SYBU: variants seen among roughly 807,000 people sequenced by gnomAD.
SYBU encodes the protein syntabulin, also known as GOLSYN A protein.
Under a neutral mutation model 35.9 loss-of-function variants are expected in SYBU, and 21 were observed. That is an observed-to-expected ratio of 0.58 (90% CI 0.41 to 0.84). The LOEUF is 0.84. Ranked by LOEUF, SYBU falls within the 40% of genes least tolerant of loss-of-function variation. The pLI, the probability that SYBU is intolerant of heterozygous loss-of-function variation, is 0.00. For missense variants in SYBU, 768 were observed against 848.2 expected, an observed-to-expected ratio of 0.91 and a Z score of 1.17; for synonymous variants, 319 against 324.3, an observed-to-expected ratio of 0.98 and a Z score of 0.18.
At chr8:109,634,565 T>A (rs1349964455) in intron 2 of SYBU, among the ~76,000 whole-genome samples, 1 of 152,230 alleles carries the variant, frequency 6.6e-6, no homozygotes, top group Non-Finnish European at 1.5e-5. Context: ...ACTAAGCAAA[T>A]GCTAGGAGTG....
chr8:109,655,228 T>C (rs1816306664), intron 1 of SYBU, among the ~76,000 whole-genome samples: 1 of 152,244 alleles, frequency 6.6e-6, no homozygotes, highest in African/African-American at 2.4e-5. Flanking sequence ...CAGTTCCTTT[T>C]GCCTTTCGGG....
intron 2 of SYBU, among the ~76,000 whole-genome samples, chr8:109,641,423 T>C (rs1814864929): frequency 6.6e-6 from 1 of 152,236 alleles, no homozygotes; most frequent in Admixed American, 6.5e-5. Flanking sequence ...TCACAGCCAC[T>C]CTACAAGGCA....
intron 3 of SYBU, among the ~76,000 whole-genome samples, chr8:109,596,470 T>G (rs1304736456): frequency 2.0e-5 from 3 of 152,238 alleles, no homozygotes; most frequent in African/African-American, 7.2e-5. Flanking sequence ...TCTTCCTTTA[T>G]CTTATCCCCT....
intron 2 of SYBU, among the ~76,000 whole-genome samples, chr8:109,624,297 T>C (rs1023894127): frequency 1.3e-5 from 2 of 152,128 alleles, no homozygotes; most frequent in African/African-American, 2.4e-5. Context: ...ATATTGAAAA[T>C]TGGCAATTAA....
intron 2 of SYBU, among the ~76,000 whole-genome samples, chr8:109,625,128 GCTT>G (rs1394782285): frequency 4.1e-5 from 6 of 144,932 alleles, no homozygotes; most frequent in Admixed American, 2.8e-4. Flanking sequence ...AAGAAAATGT[GCTT>G]TTTTTAAAAA....
At chr8:109,616,074 T>C (rs1811754527) in intron 3 of SYBU, among the ~76,000 whole-genome samples, 1 of 138,286 alleles carries the variant, frequency 7.2e-6, no homozygotes, top group African/African-American at 2.8e-5. Context: ...TGCAGTGGCA[T>C]GATCTCGGCT....
At chr8:109,645,626 G>GTTTTTTTTTTTT (rs201121007), upstream of SYBU, 101 of 244,980 alleles carry the variant, frequency 4.1e-4, 2 homozygotes, top group African/African-American at 2.6e-3. Flanking sequence ...TTGTTGTTTC[G>GTTTTTTTTTTTT]TTTTTTGTTT....
intron 2 of SYBU, among the ~76,000 whole-genome samples, chr8:109,633,985 C>T (rs1025989309): frequency 1.6e-4 from 25 of 152,152 alleles, no homozygotes; most frequent in Non-Finnish European, 3.4e-4. Flanking sequence ...CTGCCAGCCT[C>T]GGCTTCCCAA....
At chr8:109,629,996 G>A (rs1444889795) in intron 2 of SYBU, among the ~76,000 whole-genome samples, 1 of 151,764 alleles carries the variant, frequency 6.6e-6, no homozygotes, top group East Asian at 1.9e-4. Flanking sequence ...GGGGTTGTTT[G>A]TTTTTTTCTT....
At chr8:109,637,640 G>A (rs536024863) in intron 2 of SYBU, among the ~76,000 whole-genome samples, 92 of 152,112 alleles carry the variant, frequency 6.0e-4, no homozygotes, top group African/African-American at 2.0e-3. Flanking sequence ...ATTTGGAATT[G>A]CAGCTCACTT....
intron 1 of SYBU, chr8:109,644,169 G>T (rs932818697): frequency 2.2e-6 from 1 of 460,698 alleles, no homozygotes; most frequent in South Asian, 1.5e-5. Context: ...TCTACCCGGG[G>T]GCCGCCAGCC....
chr8:109,672,330 C>CCAGCT (rs1353752349), intron 1 of SYBU, among the ~76,000 whole-genome samples: 2 of 152,066 alleles, frequency 1.3e-5, no homozygotes, highest in Non-Finnish European at 2.9e-5. Flanking sequence ...ACTGAGGTAC[C>CCAGCT]CAGCTCATCT....
intron 1 of SYBU, chr8:109,680,573 T>C (rs1181585509): frequency 6.6e-6 from 1 of 152,264 alleles, no homozygotes; most frequent in African/African-American, 2.4e-5. Flanking sequence ...CTAGGCTTAT[T>C]TGGAATATCA....
intron 3 of SYBU, among the ~76,000 whole-genome samples, chr8:109,594,040 A>G (rs539636687): frequency 6.6e-6 from 1 of 152,240 alleles, no homozygotes; most frequent in Non-Finnish European, 1.5e-5. Context: ...TAAAAGAACT[A>G]GCTGGAAAGC....
upstream of SYBU, among the ~76,000 whole-genome samples, chr8:109,685,433 T>C (rs1274804624): frequency 1.3e-5 from 2 of 152,236 alleles, no homozygotes; most frequent in Admixed American, 6.5e-5. Context: ...TAACGTTCTA[T>C]GGCATTTAAC....
At chr8:109,618,785 A>G (rs1812103601) in intron 3 of SYBU, 57 bp downstream of exon 3, 5 of 1,509,988 alleles carry the variant, frequency 3.3e-6, no homozygotes, top group Non-Finnish European at 4.6e-6. Flanking sequence ...AGTTTTAAAC[A>G]TGAAACTACT....
chr8:109,590,198 G>C (rs1824056683), intron 3 of SYBU, among the ~76,000 whole-genome samples: 1 of 152,194 alleles, frequency 6.6e-6, no homozygotes. Flanking sequence ...ACTATTAAAA[G>C]AAGCTGCTCT....
chr8:109,590,888 T>A (rs769307200), intron 3 of SYBU, among the ~76,000 whole-genome samples: 1 of 151,858 alleles, frequency 6.6e-6, no homozygotes, highest in Admixed American at 6.6e-5. Context: ...ACTAAAAATA[T>A]AAATGAAGGT....
rs760407592 is a variant in SYBU at position 109,586,054 on chromosome 8, G to A, written c.530+6C>T. 358 of 1,602,038 alleles carry A rather than the reference G, an allele frequency of 2.2e-4. No individual in the cohort carries two copies. Among genetic ancestry groups the A allele is most frequent in the Non-Finnish European group, 2.9e-4 (339 of 1,173,570 alleles). On this transcript the variant is annotated splice_donor_region_variant and intron_variant, in intron 4 of 6. Coordinates refer to ENST00000276646, the MANE Select transcript of SYBU (RefSeq NM_001099754.2). ...TCTTAATTACAGAGCAGGAGATGGT[G>A]CCTACTTGCGTGAAGAAGAAGACCG... is the stretch of plus-strand genomic sequence containing the variant.
Sources: gnomAD v4.1 joint callset for allele counts (sites outside exome capture counted in the v4.1 genomes callset) on GRCh38, gnomAD v4.1.1 for gene constraint, MANE v1.5 for transcripts, NCBI Gene and HGNC (gene_info 2026-07-23, HGNC 2026-07-21) for gene names.